ELP4: variants seen among roughly 807,000 people sequenced by gnomAD.
The protein encoded by ELP4 is elongator complex protein 4.
A neutral mutation model predicts 48.9 loss-of-function variants in ELP4; 51 were observed. The ratio of observed to expected loss-of-function variants is 1.04; its 90% confidence interval spans 0.83 to 1.32. The LOEUF is 1.32. Ranked by LOEUF, ELP4 falls within the 40% of genes most tolerant of loss-of-function variation. ELP4 has a pLI of 0.00. For missense variants in ELP4, 519 were observed against 514.6 expected, an observed-to-expected ratio of 1.01 and a Z score of -0.08; for synonymous variants, 210 against 189.2, an observed-to-expected ratio of 1.11 and a Z score of -0.90.
intron 9 of ELP4, among the ~76,000 whole-genome samples, chr11:31,677,885 A>G (rs1036268164): frequency 1.3e-4 from 20 of 152,280 alleles, no homozygotes; most frequent in Admixed American, 1.2e-3. Context: ...CTTTATACTA[A>G]GATTCACTCT....
At chr11:31,533,591 T>A (rs1178363748) in intron 2 of ELP4, among the ~76,000 whole-genome samples, 1 of 151,404 alleles carries the variant, frequency 6.6e-6, no homozygotes, top group Non-Finnish European at 1.5e-5. Context: ...GGTTTCACCG[T>A]GTTAGCCAGG....
chr11:31,597,936 G>A (rs901997276), intron 4 of ELP4, among the ~76,000 whole-genome samples: 3 of 144,536 alleles, frequency 2.1e-5, no homozygotes, highest in Non-Finnish European at 1.5e-5. Context: ...AGTAACTAAA[G>A]CTTTAAGCCT....
At position 31,787,530 on chromosome 11, in the gene ELP4, G is replaced by C. The variant is rs558820911; in HGVS notation, c.*4006G>C. 8 of 232,802 alleles carry C rather than the reference G, an allele frequency of 3.4e-5. No homozygotes were observed. Among genetic ancestry groups the C allele is most frequent in the Non-Finnish European group, 6.8e-5 (8 of 117,810 alleles). 14.4% of individuals were successfully genotyped at this position (232,802 alleles called of 1,614,324 possible). On this transcript the variant is annotated 3_prime_UTR_variant, in exon 10 of 10. Transcript: ENST00000640961. Reference sequence around the variant, plus strand: ...ACTCCCACATAGCCCTTCTCTGACAGTTCCCTCAGCACACAGCCCTCAGGG... The same window carrying C: ...ACTCCCACATAGCCCTTCTCTGACACTTCCCTCAGCACACAGCCCTCAGGG...
chr11:31,689,752 C>T (rs915129129), intron 9 of ELP4, among the ~76,000 whole-genome samples: 2 of 152,170 alleles, frequency 1.3e-5, no homozygotes, highest in African/African-American at 2.4e-5. Context: ...GACTCTACCA[C>T]TTATTGGATG....
intron 3 of ELP4, among the ~76,000 whole-genome samples, chr11:31,548,733 C>T (rs1467638144): frequency 6.6e-6 from 1 of 152,144 alleles, no homozygotes; most frequent in Non-Finnish European, 1.5e-5. Flanking sequence ...TGACTTCAAA[C>T]TATACTACAA....
intron 9 of ELP4, chr11:31,689,241 G>GACCA (rs1445369037): frequency 6.6e-6 from 1 of 152,084 alleles, no homozygotes; most frequent in Non-Finnish European, 1.5e-5. Context: ...AGGAGTGGAA[G>GACCA]ACCAACCTAG....
rs1956187669 is a variant in ELP4 at position 31,520,056 on chromosome 11, G to A, written c.224G>A (p.Gly75Asp). 1.2e-6 allele frequency: 2 copies of A among 1,612,546 alleles called. No homozygotes were observed. Among genetic ancestry groups the A allele is most frequent in the African/African-American group, 2.7e-5 (2 of 74,834 alleles). ...TCTTCTGGTTTTGTTTCATTTCCAG[G>A]TGGAGGTTTAGCCGTTGGAACAGTT... ...TGLPALDQLL[G>D]GGLAVGTVLL... The change falls in exon 2 of 10, where the codon GGT (glycine) becomes GAT (aspartate). Residue 75 changes from glycine (G) to aspartate (D), a missense_variant and splice_region_variant. Gly to Asp is a moderately conservative substitution (Grantham distance 94). Coordinates refer to ENST00000640961, the MANE Select transcript of ELP4 (RefSeq NM_019040.5).
chr11:31,754,406 T>C (rs1292757444), intron 9 of ELP4, among the ~76,000 whole-genome samples: 3 of 152,200 alleles, frequency 2.0e-5, no homozygotes, highest in Admixed American at 6.5e-5. Flanking sequence ...ATCATCTTGC[T>C]GTTGCTTGCC....
chr11:31,737,103 G>A (rs1415346586), intron 9 of ELP4, among the ~76,000 whole-genome samples: 1 of 152,226 alleles, frequency 6.6e-6, no homozygotes, highest in East Asian at 1.9e-4. Context: ...CGAAGAAAAT[G>A]TGGCACATAT....
intron 3 of ELP4, among the ~76,000 whole-genome samples, chr11:31,552,656 T>G (rs553445213): frequency 1.2e-4 from 18 of 152,152 alleles, no homozygotes; most frequent in Non-Finnish European, 2.2e-4. Context: ...CATAAATTGT[T>G]TATTGCTTGG....
chr11:31,521,288 T>G (rs968807237), intron 2 of ELP4, among the ~76,000 whole-genome samples: 2 of 148,836 alleles, frequency 1.3e-5, no homozygotes, highest in African/African-American at 4.9e-5. Flanking sequence ...TGCATTATGT[T>G]TTTTTTTTTT....
chr11:31,537,310 C>T (rs548544543), intron 2 of ELP4, among the ~76,000 whole-genome samples: 1 of 152,096 alleles, frequency 6.6e-6, no homozygotes, highest in African/African-American at 2.4e-5. Context: ...TGTCAAAAAC[C>T]GATTGTATGG....
Position 31,784,107 on chromosome 11 carries a change from GA to G in ELP4, c.*586del, listed in dbSNP as rs1313250044. ...TAAATATAAAGAACTTCAGTGATAG[GA>G]AACATAGAAAAAAGAAGTGGATGGT... is the stretch of plus-strand genomic sequence containing the variant. On this transcript the variant is annotated 3_prime_UTR_variant, in exon 10 of 10. Transcript: ENST00000640961. 6.6e-6 allele frequency: 1 copy of G among 152,050 alleles called. No individual in the cohort carries two copies. Among genetic ancestry groups the G allele is most frequent in the African/African-American group, 2.4e-5 (1 of 41,398 alleles). The allele number at this position is 152,050 out of a possible 1,614,324, so 9.4% of individuals were successfully genotyped here.
At position 31,788,253 on chromosome 11, in the gene ELP4, C is replaced by G. The variant is rs947717912; in HGVS notation, c.*4729C>G. The stretch of plus-strand genomic sequence containing the variant: ...TTTGGGAATGTTTGGCTTAAGCTGC[C>G]AATGACTGAAGGCCTTTAATTCCCA... On this transcript the variant is annotated 3_prime_UTR_variant, in exon 10 of 10. Transcript: ENST00000640961. 4.4e-6 allele frequency: 1 copy of G among 226,678 alleles called. No homozygotes were observed. Among genetic ancestry groups the G allele is most frequent in the Non-Finnish European group, 8.8e-6 (1 of 113,920 alleles). The allele number at this position is 226,678 out of a possible 1,614,324, so 14.0% of individuals were successfully genotyped here.
chr11:31,522,643 C>A (rs1041735621), intron 2 of ELP4, among the ~76,000 whole-genome samples: 1 of 151,982 alleles, frequency 6.6e-6, no homozygotes, highest in Non-Finnish European at 1.5e-5. Context: ...TGTAAATATT[C>A]TAGAATAAAC....
rs540871843 is a variant in ELP4, at chr11:31,703,640, C to T, written c.1143+53419C>T. ...CAAGTTACCCTTAAACTCTTCTCTCCAGGTACCTTACACCTTAGTTGTGAT... is the reference window on the plus strand; with the variant it reads ...CAAGTTACCCTTAAACTCTTCTCTCTAGGTACCTTACACCTTAGTTGTGAT... On this transcript the variant is annotated intron_variant, in intron 9 of 9. Coordinates refer to ENST00000640961, the MANE Select transcript of ELP4 (RefSeq NM_019040.5). Among the ~76,000 whole-genome samples, 4 of 152,268 alleles carry T rather than the reference C, an allele frequency of 2.6e-5. No homozygotes were observed. In the South Asian group the frequency reaches 8.3e-4, roughly 32 times the overall value.
rs1420461347 is a variant in ELP4, at chr11:31,784,164, T to G, written c.*640T>G. The G allele has an allele frequency of 1.3e-5, 2 of 152,134 alleles. No individual in the cohort carries two copies. The highest frequency in any genetic ancestry group is 4.8e-5 in the African/African-American group (2 of 41,424). 9.4% of individuals were successfully genotyped at this position (152,134 alleles called of 1,614,324 possible). A position where few individuals can be genotyped will look rare whatever the true frequency, so the allele number is the denominator to read the frequency against. ...GTTTAGTAATCCTAAACAATTGAAG[T>G]CAGTACTATGAAATTATGTCAACAG... is the stretch of plus-strand genomic sequence containing the variant. On this transcript the variant is annotated 3_prime_UTR_variant, in exon 10 of 10. Transcript: ENST00000640961.
At chr11:31,536,739 T>C (rs189764457) in intron 2 of ELP4, among the ~76,000 whole-genome samples, 3 of 152,348 alleles carry the variant, frequency 2.0e-5, no homozygotes, top group Admixed American at 2.0e-4. Context: ...TACTTGTCAG[T>C]TGAACATCTT....
chr11:31,668,835 C>T (rs1431046112), intron 9 of ELP4, among the ~76,000 whole-genome samples: 1 of 151,892 alleles, frequency 6.6e-6, no homozygotes, highest in Non-Finnish European at 1.5e-5. Context: ...CTTACAAGGA[C>T]TAATTATGTG....
Sources: allele counts gnomAD v4.1 joint callset (sites outside exome capture counted in the v4.1 genomes callset), GRCh38; gene constraint gnomAD v4.1.1; transcripts MANE v1.5; gene names NCBI Gene and HGNC (gene_info 2026-07-23, HGNC 2026-07-21).